Variants in PLXDC1 observed in about 807,000 individuals in gnomAD.
The protein encoded by PLXDC1 is plexin domain containing 1.
Under a neutral mutation model 61.3 loss-of-function variants are expected in PLXDC1, and 39 were observed. The ratio of observed to expected loss-of-function variants is 0.64; its 90% CI spans 0.49 to 0.83. PLXDC1 has a LOEUF of 0.83. PLXDC1 is among the 40% of genes least tolerant of loss of function. PLXDC1 has a pLI of 0.00. For synonymous variants in PLXDC1, 212 were observed against 254.5 expected (o/e 0.83, Z 1.59); for missense variants, 596 against 666.5 (o/e 0.89, Z 1.17).
chr17:39,068,083 C>CA, intron 13 of PLXDC1, 124 bp from the exon 14 acceptor site: 1 of 829,530 alleles, frequency 1.2e-6, no homozygotes. Flanking sequence ...TTGGGCCTAC[C>CA]AGGAGCCACA....
chr17:39,099,455 A>G (rs1202244391), intron 7 of PLXDC1, among the ~76,000 whole-genome samples: 3 of 152,122 alleles, frequency 2.0e-5, no homozygotes, highest in Admixed American at 6.5e-5. Context: ...GGGCTCAGTA[A>G]TGTACATGGG....
chr17:39,073,085 G>A (rs571248411), intron 11 of PLXDC1: 3 of 156,018 alleles, frequency 1.9e-5, no homozygotes, highest in South Asian at 1.9e-4. Flanking sequence ...GTCTTGCTCC[G>A]TCACACAGGC....
At chr17:39,128,958 C>T (rs35689559) in intron 2 of PLXDC1, among the ~76,000 whole-genome samples, 28,783 of 150,096 alleles carry the variant, frequency 0.19, 2,798 homozygotes, top group Middle Eastern at 0.33. Flanking sequence ...TGCAGTGAGC[C>T]GAGATTGTGC....
At chr17:39,101,496 G>A (rs747157039) in intron 7 of PLXDC1, among the ~76,000 whole-genome samples, 2 of 152,202 alleles carry the variant, frequency 1.3e-5, no homozygotes, top group Non-Finnish European at 2.9e-5. Context: ...GGAGAAGAAG[G>A]GAAGGGAGGG....
chr17:39,126,040 G>C (rs1278368674), intron 2 of PLXDC1, among the ~76,000 whole-genome samples: 1 of 152,112 alleles, frequency 6.6e-6, no homozygotes, highest in African/African-American at 2.4e-5. Flanking sequence ...GATCATCTGA[G>C]GTCAGGAGTT....
intron 2 of PLXDC1, among the ~76,000 whole-genome samples, chr17:39,127,931 G>C (rs1911360153): frequency 2.9e-5 from 3 of 104,952 alleles, no homozygotes; most frequent in South Asian, 6.6e-4. Context: ...GACAGGGTGA[G>C]ACTCCATCTC....
intron 9 of PLXDC1, 56 bp from the exon 10 acceptor site, chr17:39,079,220 C>G: frequency 2.1e-6 from 3 of 1,463,092 alleles, no homozygotes; most frequent in Non-Finnish European, 1.9e-6. Context: ...AAGCCTTCCC[C>G]TTTCACTGTT....
chr17:39,101,807 G>A (rs990972831), intron 7 of PLXDC1, among the ~76,000 whole-genome samples: 3 of 152,136 alleles, frequency 2.0e-5, no homozygotes, highest in Non-Finnish European at 2.9e-5. Flanking sequence ...CCTCCACTCC[G>A]ATGCCCTGCC....
At chr17:39,106,648 CTTTCTTTT>C (rs1010942127) in intron 6 of PLXDC1, among the ~76,000 whole-genome samples, 2 of 122,592 alleles carry the variant, frequency 1.6e-5, no homozygotes, top group Non-Finnish European at 1.7e-5. Flanking sequence ...TTTTCTTTTT[CTTTCTTTT>C]TTTTTTTTTT....
chr17:39,107,799 A>C (rs1307014393), intron 5 of PLXDC1: 3 of 568,954 alleles, frequency 5.3e-6, no homozygotes, highest in African/African-American at 1.9e-5. Context: ...TTGAGATAAA[A>C]GAAGGAGGAA....
chr17:39,128,129 GTATATATATGTATA>G (rs1352126386), intron 2 of PLXDC1, among the ~76,000 whole-genome samples: 1 of 52,590 alleles, frequency 1.9e-5, no homozygotes, highest in Non-Finnish European at 3.8e-5. Flanking sequence ...ATATATATGT[GTATATATATGTATA>G]TATATGTGTG....
intron 1 of PLXDC1, among the ~76,000 whole-genome samples, chr17:39,150,283 C>G (rs992514676): frequency 5.3e-5 from 8 of 152,044 alleles, no homozygotes; most frequent in African/African-American, 1.7e-4. Context: ...CAATAGGGAC[C>G]CAGGTCTGTC....
rs1445588323 is a variant in PLXDC1, at chr17:39,063,501, C to A, written c.*4339G>T. 1 of 702,986 alleles carries A rather than the reference C, an allele frequency of 1.4e-6. No homozygotes were observed. The highest frequency in any genetic ancestry group is 1.5e-5 in the South Asian group (1 of 67,574). 43.5% of individuals were successfully genotyped at this position (702,986 alleles called of 1,614,324 possible). ...GATAGCTGGAGGCTGTTCCCACAGT[C>A]ATGTCTCAGCGAAGAAGTCGGAGTT... On this transcript the variant is annotated 3_prime_UTR_variant, in exon 14 of 14. Transcript: ENST00000315392.
intron 12 of PLXDC1, among the ~76,000 whole-genome samples, chr17:39,070,704 G>A (rs912529264): frequency 6.6e-5 from 10 of 152,168 alleles, no homozygotes; most frequent in African/African-American, 1.9e-4. Context: ...GGGGCTGGCC[G>A]CAGTGGCTCA....
intron 7 of PLXDC1, among the ~76,000 whole-genome samples, chr17:39,097,716 A>ATAAG (rs1457850836): frequency 9.0e-6 from 1 of 111,516 alleles, no homozygotes; most frequent in Non-Finnish European, 1.8e-5. Context: ...TTTACAAATA[A>ATAAG]TAAATAAATA....
In PLXDC1 at chr17:39,139,706, C is replaced by A. The variant is rs1443216888; in HGVS notation, c.203G>T (p.Gly68Val). 2 of 1,614,000 alleles carry A rather than the reference C, an allele frequency of 1.2e-6. No individual in the cohort carries two copies. The highest frequency in any genetic ancestry group is 8.5e-7 in the Non-Finnish European group (1 of 1,180,014). ...PDRTQLSQDL[G>V]GGTLAMDTLP... Reference sequence around the variant, plus strand: ...CGTGTCCATGGCCAGGGTGCCCCCACCCAGGTCCTGGCTCAGCTGGGTCCT... The same window carrying A: ...CGTGTCCATGGCCAGGGTGCCCCCAACCAGGTCCTGGCTCAGCTGGGTCCT... Residue 68 changes from glycine to valine, a missense_variant, in exon 2 of 14, where the codon GGT becomes GTT. Transcript: ENST00000315392.
intron 2 of PLXDC1, among the ~76,000 whole-genome samples, chr17:39,113,355 T>C (rs1910870923): frequency 6.6e-6 from 1 of 152,204 alleles, no homozygotes; most frequent in Non-Finnish European, 1.5e-5. Context: ...TTGTGGTAAT[T>C]TGTTCTGGCA....
chr17:39,137,262 A>T (rs976245362), intron 2 of PLXDC1, among the ~76,000 whole-genome samples: 4 of 152,148 alleles, frequency 2.6e-5, no homozygotes, highest in Non-Finnish European at 5.9e-5. Context: ...GTGAAAGAAA[A>T]CTATTTTCAA....
intron 12 of PLXDC1, 66 bp downstream of exon 12, chr17:39,072,384 C>G (rs111798957): frequency 3.6e-6 from 4 of 1,121,318 alleles, no homozygotes; most frequent in African/African-American, 3.1e-5. Flanking sequence ...GACTGCTGCA[C>G]CCTCTTCTGG....
Sources: allele counts gnomAD v4.1 joint callset (sites outside exome capture counted in the v4.1 genomes callset), GRCh38; gene constraint gnomAD v4.1.1; transcripts MANE v1.5; gene names NCBI Gene and HGNC (gene_info 2026-07-23, HGNC 2026-07-21).